LARS1: variants seen among roughly 807,000 people sequenced by gnomAD.
LARS1 encodes the protein leucyl-tRNA synthetase 1, also known as leucine--tRNA ligase, cytoplasmic.
LARS1 carries 100 observed loss-of-function variants against 162.8 expected under a neutral mutation model. The ratio of observed to expected loss-of-function variants is 0.61; its 90% confidence interval spans 0.52 to 0.73. The LOEUF (loss-of-function observed/expected upper bound fraction) is 0.73, where lower values mean the gene tolerates loss of function less well. Ranked by LOEUF, LARS1 falls within the 30% of genes least tolerant of loss-of-function variation. The pLI, the probability that LARS1 is intolerant of heterozygous loss-of-function variation, is 0.00. For synonymous variants in LARS1, 457 were observed against 462.8 expected, an observed-to-expected ratio of 0.99 and a Z score of 0.16; for missense variants, 1,258 against 1,408.9, an observed-to-expected ratio of 0.89 and a Z score of 1.71.
At chr5:146,145,615 T>C (rs1488479703) in intron 15 of LARS1, among the ~76,000 whole-genome samples, 1 of 152,194 alleles carries the variant, frequency 6.6e-6, no homozygotes, top group Non-Finnish European at 1.5e-5. Context: ...TTACCAAATA[T>C]AAATCTCTCT....
In LARS1 at chr5:146,143,628, A is replaced by G. The variant is rs561641812; in HGVS notation, c.1739-78T>C. The stretch of plus-strand genomic sequence containing the variant: ...AATCCACATTTTTAAGAAGGGGGCT[A>G]TAACATTTACAAAGCTACTTATTTA... On this transcript the variant is annotated intron_variant, in intron 18 of 31. Transcript: ENST00000394434. 6.9e-6 allele frequency: 9 copies of G among 1,307,488 alleles called. No homozygotes were observed. In the Admixed American group the frequency reaches 1.6e-4, roughly 24 times the overall value. 81.0% of individuals were successfully genotyped at this position (1,307,488 alleles called of 1,614,324 possible).
chr5:146,181,456 G>A lies in LARS1; in HGVS notation c.6+1032C>T, dbSNP rs183654728. On this transcript the variant is annotated intron_variant, in intron 1 of 31. Transcript: ENST00000394434. Reference sequence around the variant, plus strand: ...TTTCGGAGGCTGAGACAGAAGGATCGCTTGACCCCAGGAGTTCGAAACCCT... The same window carrying A: ...TTTCGGAGGCTGAGACAGAAGGATCACTTGACCCCAGGAGTTCGAAACCCT... Among the ~76,000 whole-genome samples, 15 of 152,076 alleles carry A rather than the reference G, an allele frequency of 9.9e-5. No homozygotes were observed. In the East Asian group the frequency reaches 2.9e-3, roughly 29 times the overall value.
At position 146,160,423 on chromosome 5, in the gene LARS1, A is replaced by G. The variant is rs1753728906; in HGVS notation, c.658T>C (p.Trp220Arg). 4 of 1,585,964 alleles carry G rather than the reference A, an allele frequency of 2.5e-6. No homozygotes were observed. Among genetic ancestry groups the G allele is most frequent in the Non-Finnish European group, 3.4e-6 (4 of 1,167,912 alleles). ...VNPYYDSFVR[W>R]QFLTLRERNK... ...CTTTCTCTTAATGTTAAAAATTGCC[A>G]TCTGACAAATGAATCATAGTAAGGA... Residue 220 changes from tryptophan (W) to arginine (R), a missense_variant, in exon 7 of 32, where the codon TGG (tryptophan) becomes CGG (arginine). Transcript: ENST00000394434.
rs1428450957 is a variant in LARS1, at chr5:146,140,218, G to C, written c.2134C>G (p.Leu712Val). ...TAVRANGHLLLNSEKMSKSTG... is the reference protein window; with the variant it reads ...TAVRANGHLLVNSEKMSKSTG... The stretch of plus-strand genomic sequence containing the variant: ...ATAAGCCTTACCTTCTCAGAGTTCA[G>C]GAGGAGATGTCCATTTGCTCTCACA... The change falls in exon 21 of 32, where the codon CTG (leucine) becomes GTG (valine). Residue 712 changes from leucine to valine, a missense_variant. Leu to Val is a conservative substitution (Grantham distance 32). Transcript: ENST00000394434. 3 of 1,611,496 alleles carry C rather than the reference G, an allele frequency of 1.9e-6. No homozygotes were observed. Among genetic ancestry groups the C allele is most frequent in the Admixed American group, 3.3e-5 (2 of 59,984 alleles).
intron 2 of LARS1, among the ~76,000 whole-genome samples, chr5:146,174,978 G>C (rs758546562): frequency 2.1e-4 from 32 of 152,278 alleles, no homozygotes; most frequent in Non-Finnish European, 3.5e-4. Context: ...CCGGCACTTT[G>C]GGAGGCCGGG....
At chr5:146,130,907 T>G in intron 24 of LARS1, 112 bp downstream of exon 24, 1 of 514,782 alleles carries the variant, frequency 1.9e-6, no homozygotes, top group Non-Finnish European at 3.4e-6. Context: ...GGCAGGATTT[T>G]CAGTCTACAC....
At chr5:146,122,644 A>G in intron 29 of LARS1, 57 bp from the exon 30 acceptor site, 1 of 895,826 alleles carries the variant, frequency 1.1e-6, no homozygotes, top group Non-Finnish European at 1.8e-6. Flanking sequence ...ATTCAAATTA[A>G]TCATCACCTC....
intron 22 of LARS1, among the ~76,000 whole-genome samples, chr5:146,134,939 A>T (rs1228753040): frequency 6.6e-6 from 1 of 152,112 alleles, no homozygotes; most frequent in Non-Finnish European, 1.5e-5. Context: ...ACAGAGCAAG[A>T]CTCTGTCTCA....
intron 24 of LARS1, 122 bp from the exon 25 acceptor site, chr5:146,130,280 C>A: frequency 2.2e-6 from 2 of 911,614 alleles, no homozygotes; most frequent in Non-Finnish European, 1.7e-6. Context: ...AAATCCATAA[C>A]AAATTACTGT....
Position 146,144,516 on chromosome 5 carries a change from C to G in LARS1, c.1611G>C (p.Glu537Asp), listed in dbSNP as rs1176818592. 3 of 1,613,780 alleles carry G rather than the reference C, an allele frequency of 1.9e-6. No homozygotes were observed. The highest frequency in any genetic ancestry group is 1.7e-6 in the Non-Finnish European group (2 of 1,179,970). The change falls in exon 17 of 32, where the codon GAG becomes GAC. Residue 537 changes from glutamate (E) to aspartate (D), a missense_variant. By Grantham distance (45) the Glu-to-Asp change is conservative. Coordinates refer to ENST00000394434, the MANE Select transcript of LARS1 (RefSeq NM_020117.11). ...CDQWYLDYGE[E>D]NWKKQTSQCL... is the part of the protein sequence containing the mutation. ...ACTGAGATGTCTGTTTCTTCCAATTCTCTTCTCCATAATCCAAGTACCTGG... is the reference window on the plus strand; with the variant it reads ...ACTGAGATGTCTGTTTCTTCCAATTGTCTTCTCCATAATCCAAGTACCTGG...
intron 15 of LARS1, 89 bp from the exon 16 acceptor site, chr5:146,144,798 T>C: frequency 8.8e-7 from 1 of 1,138,496 alleles, no homozygotes; most frequent in South Asian, 1.4e-5. Context: ...AAAAATGCTA[T>C]ACCACCAATA....
chr5:146,161,005 C>T (rs972681781), intron 6 of LARS1, among the ~76,000 whole-genome samples: 1 of 152,116 alleles, frequency 6.6e-6, no homozygotes, highest in African/African-American at 2.4e-5. Context: ...AATATACAGA[C>T]ATATCTGGGA....
rs1433685852 is a variant in LARS1, at chr5:146,157,496, G to A, written c.972C>T (p.Phe324=). 6.2e-7 allele frequency: 1 copy of A among 1,613,934 alleles called. No homozygotes were observed. Among genetic ancestry groups the A allele is most frequent in the Non-Finnish European group, 8.5e-7 (1 of 1,180,000 alleles). ...IGFETVNGDI[F]ICTQKAARNM... ...TCCTGGCTGCTTTTTGGGTACAGAT[G>A]AATATATCACCATTCACCGTCTCAA... Residue 324 remains phenylalanine (F), a synonymous_variant, in exon 10 of 32, where the codon TTC becomes TTT. Coordinates refer to ENST00000394434, the MANE Select transcript of LARS1 (RefSeq NM_020117.11).
At chr5:146,182,145 T>C (rs1754901079) in intron 1 of LARS1, 1 of 256,032 alleles carries the variant, frequency 3.9e-6, no homozygotes, top group Non-Finnish European at 7.8e-6. Flanking sequence ...CTCACCATGT[T>C]GGCCAGGGTG....
intron 22 of LARS1, among the ~76,000 whole-genome samples, chr5:146,134,565 G>GATA (rs1455778221): frequency 1.6e-4 from 25 of 152,088 alleles, no homozygotes; most frequent in Non-Finnish European, 1.5e-5. Flanking sequence ...CTCTTGACAC[G>GATA]ATAATAATAA....
At chr5:146,174,532 ATATATCCATATATG>A (rs1405417539) in intron 2 of LARS1, among the ~76,000 whole-genome samples, 5 of 109,968 alleles carry the variant, frequency 4.5e-5, no homozygotes, top group African/African-American at 8.4e-5. Context: ...ATATATATAT[ATATATCCATATATG>A]TATATATCCA....
At chr5:146,174,144 T>TA (rs66479730) in intron 2 of LARS1, among the ~76,000 whole-genome samples, 10,761 of 89,036 alleles carry the variant, frequency 0.12, 983 homozygotes, top group African/African-American at 0.26. Flanking sequence ...CTTTTTCTCT[T>TA]AAAAAAAAAA....
chr5:146,174,457 T>C (rs1316953826), intron 2 of LARS1, among the ~76,000 whole-genome samples: 2 of 91,396 alleles, frequency 2.2e-5, no homozygotes, highest in African/African-American at 3.4e-5. Flanking sequence ...AATATATATA[T>C]ATATATCCAT....
intron 27 of LARS1, among the ~76,000 whole-genome samples, 179 bp from the exon 28 acceptor site, chr5:146,126,724 C>G (rs553150023): frequency 1.3e-5 from 2 of 152,054 alleles, no homozygotes; most frequent in African/African-American, 4.8e-5. Flanking sequence ...AGAAGGAACT[C>G]TCCTATTCTC....
Sources: gnomAD v4.1 joint callset for allele counts (sites outside exome capture counted in the v4.1 genomes callset) on GRCh38, gnomAD v4.1.1 for gene constraint, MANE v1.5 for transcripts, NCBI Gene and HGNC (gene_info 2026-07-23, HGNC 2026-07-21) for gene names.